JAK1: variants seen among roughly 807,000 people sequenced by gnomAD.
JAK1 encodes Janus kinase 1, also known as tyrosine-protein kinase JAK1.
Under a neutral mutation model 136.6 loss-of-function variants are expected in JAK1, and 16 were observed. The ratio of observed to expected loss-of-function variants is 0.12; its 90% CI spans 0.08 to 0.18. The LOEUF (loss-of-function observed/expected upper bound fraction) is 0.18. Ranked by LOEUF, JAK1 falls within the 10% of genes least tolerant of loss-of-function variation. The pLI, the probability that JAK1 is intolerant of heterozygous loss-of-function variation, is 1.00. For synonymous variants in JAK1, 492 were observed against 519.5 expected, an observed-to-expected ratio of 0.95 and a Z score of 0.72; for missense variants, 859 against 1,450.1, an observed-to-expected ratio of 0.59 and a Z score of 6.62.
chr1:64,851,057 G>T (rs548082588), intron 11 of JAK1, 147 bp from the exon 12 acceptor site: 22 of 639,142 alleles, frequency 3.4e-5, no homozygotes, highest in Admixed American at 3.3e-4. Flanking sequence ...ATAGGCATAT[G>T]GCTCCTACCC....
At chr1:65,067,265 C>A (rs1183163491) in intron 1 of JAK1, among the ~76,000 whole-genome samples, 2 of 150,280 alleles carry the variant, frequency 1.3e-5, no homozygotes, top group Admixed American at 6.6e-5. Flanking sequence ...GCGCCCTCGG[C>A]CCCCGGCGCC....
At chr1:64,965,490 A>C (rs1015541577) in intron 1 of JAK1, among the ~76,000 whole-genome samples, 2 of 152,150 alleles carry the variant, frequency 1.3e-5, no homozygotes, top group East Asian at 3.9e-4. Context: ...CACACATCCA[A>C]GGAGCCCACA....
At position 64,981,344 on chromosome 1, in the gene JAK1, T is replaced by C. The variant is rs151025607; in HGVS notation, c.-78+63136A>G. Among the ~76,000 whole-genome samples the C allele has an allele frequency of 5.1e-3, 771 of 152,342 alleles. 20 individuals are homozygous for C. Among genetic ancestry groups the C allele is most frequent in the East Asian group, 0.023 (118 of 5,190 alleles). On this transcript the variant is annotated intron_variant, in intron 2 of 25. Coordinates refer to the JAK1 transcript ENST00000671954. ...TTCTATTGCTGTTTGTCTTTCCTTCTGTTGGTGCTATATCTCCTTGACCAG... is the reference window on the plus strand; with the variant it reads ...TTCTATTGCTGTTTGTCTTTCCTTCCGTTGGTGCTATATCTCCTTGACCAG...
At position 64,839,577 on chromosome 1, in the gene JAK1, C is replaced by T. The variant is rs376773569; in HGVS notation, c.2842+26G>A. The stretch of plus-strand genomic sequence containing the variant: ...CCTAGACAGTCACCAAATCTTTAAA[C>T]CGGACCCCAGCCTTGCATAACATAC... On this transcript the variant is annotated intron_variant, in intron 20 of 24. Coordinates refer to ENST00000342505, the MANE Select transcript of JAK1 (RefSeq NM_002227.4). 8.4e-5 allele frequency: 134 copies of T among 1,603,468 alleles called. 1 individual carries two copies. In the South Asian group the frequency reaches 1.4e-3, roughly 17 times the overall value.
At chr1:64,890,549 A>C (rs1438172834) in intron 1 of JAK1, among the ~76,000 whole-genome samples, 1 of 152,190 alleles carries the variant, frequency 6.6e-6, no homozygotes, top group Non-Finnish European at 1.5e-5. Flanking sequence ...AAGTTGAGGC[A>C]GGAGAACTGC....
At chr1:65,063,737 G>A (rs1647916445) in intron 1 of JAK1, among the ~76,000 whole-genome samples, 1 of 150,674 alleles carries the variant, frequency 6.6e-6, no homozygotes, top group Non-Finnish European at 1.5e-5. Context: ...CCTGGGAGGT[G>A]GAGGTTGCAG....
At chr1:65,024,286 T>C (rs1450922731) in intron 2 of JAK1, among the ~76,000 whole-genome samples, 1 of 152,158 alleles carries the variant, frequency 6.6e-6, no homozygotes, top group Non-Finnish European at 1.5e-5. Context: ...TATTTTTTAT[T>C]ACAGCCATCC....
At chr1:64,838,915 G>A (rs1235744308) in intron 20 of JAK1, among the ~76,000 whole-genome samples, 2 of 152,082 alleles carry the variant, frequency 1.3e-5, no homozygotes, top group East Asian at 3.9e-4. Context: ...GGAGGCCGAG[G>A]CGGGCGGATC....
chr1:64,867,013 G>A lies in JAK1; in HGVS notation c.843C>T (p.Tyr281=), dbSNP rs759326576. The A allele has an allele frequency of 1.9e-5, 30 of 1,614,070 alleles. No individual in the cohort carries two copies. Among genetic ancestry groups the A allele is most frequent in the South Asian group, 6.6e-5 (6 of 91,090 alleles). The change falls in exon 7 of 25, where the codon TAC becomes TAT. Residue 281 remains tyrosine (Y), a synonymous_variant. Transcript: ENST00000342505. ...LATLETLTKH[Y]GAEIFETSML... ...TGGAAGTCTCAAATATTTCAGCACC[G>A]TAATGTTTTGTCAAAGTTTCCAAGG...
At chr1:64,836,339 A>G (rs1654476600) in intron 22 of JAK1, 124 bp from the exon 23 acceptor site, 1 of 688,270 alleles carries the variant, frequency 1.5e-6, no homozygotes, top group Non-Finnish European at 2.6e-6. Flanking sequence ...CTGACTGTGT[A>G]TTATATATTT....
chr1:64,917,579 C>T (rs1645421607), intron 1 of JAK1, among the ~76,000 whole-genome samples: 1 of 152,134 alleles, frequency 6.6e-6, no homozygotes, highest in Non-Finnish European at 1.5e-5. Flanking sequence ...CCGTAGACTG[C>T]ATTGAGGGTA....
chr1:65,022,779 G>A (rs1190161304), intron 2 of JAK1, among the ~76,000 whole-genome samples: 3 of 152,104 alleles, frequency 2.0e-5, no homozygotes, highest in Non-Finnish European at 2.9e-5. Flanking sequence ...AATATTCATT[G>A]GGAAAAATTA....
At chr1:64,982,474 G>A (rs895776949) in intron 2 of JAK1, among the ~76,000 whole-genome samples, 10 of 152,114 alleles carry the variant, frequency 6.6e-5, no homozygotes, top group Non-Finnish European at 1.5e-4. Flanking sequence ...CTCAAACAGG[G>A]CCCTTTCAGA....
rs371469778 is a variant in JAK1, at chr1:64,993,882, G to A, written c.-78+50598C>T. On this transcript the variant is annotated intron_variant, in intron 2 of 25. Coordinates refer to the JAK1 transcript ENST00000671954. ...GGCTGGTCTTGAACTCCTGGCCTCA[G>A]GTGATCCACCCACTTCGGCCTCCCA... is the stretch of plus-strand genomic sequence containing the variant. 4.2e-4 allele frequency among the ~76,000 whole-genome samples: 64 copies of A among 152,028 alleles called. 1 individual carries two copies. The highest frequency in any genetic ancestry group is 1.5e-3 in the African/African-American group (63 of 41,462).
At chr1:64,953,613 A>T (rs1343499007) in intron 1 of JAK1, among the ~76,000 whole-genome samples, 1 of 152,226 alleles carries the variant, frequency 6.6e-6, no homozygotes, top group Non-Finnish European at 1.5e-5. Context: ...ACTTTAGGAC[A>T]GCTAAATGAA....
At chr1:65,007,232 G>A (rs79948327) in intron 2 of JAK1, among the ~76,000 whole-genome samples, 3,467 of 152,252 alleles carry the variant, frequency 0.023, 122 homozygotes, top group African/African-American at 0.079. Flanking sequence ...GTGGGTTCCC[G>A]AAAGGAAGAA....
intron 2 of JAK1, among the ~76,000 whole-genome samples, chr1:64,884,934 G>A (rs1644829356): frequency 6.6e-6 from 1 of 152,042 alleles, no homozygotes; most frequent in African/African-American, 2.4e-5. Flanking sequence ...ACACATAATG[G>A]GTGCTTGCAG....
At chr1:64,908,758 C>A (rs868781166) in intron 1 of JAK1, among the ~76,000 whole-genome samples, 1 of 151,388 alleles carries the variant, frequency 6.6e-6, no homozygotes. Context: ...ACACACACAC[C>A]CCTTGTTAAA....
chr1:65,043,700 ATTTT>A (rs112982943), intron 2 of JAK1, among the ~76,000 whole-genome samples: 4 of 101,268 alleles, frequency 3.9e-5, no homozygotes, highest in Admixed American at 1.0e-4. Flanking sequence ...CACCTGGCTA[ATTTT>A]TTTTTTTTTT....
Sources: allele counts gnomAD v4.1 joint callset (sites outside exome capture counted in the v4.1 genomes callset), GRCh38; gene constraint gnomAD v4.1.1; transcripts MANE v1.5; gene names NCBI Gene and HGNC (gene_info 2026-07-23, HGNC 2026-07-21).